The following TMEM130 variants were observed in gnomAD, a reference collection of about 807,000 sequenced individuals.
TMEM130 encodes transmembrane protein 130.
A neutral mutation model predicts 42.9 loss-of-function variants in TMEM130; 37 were observed. The observed-to-expected ratio is 0.86, with a 90% CI of 0.66 to 1.13. The LOEUF (loss-of-function observed/expected upper bound fraction) is 1.13, where lower values mean the gene tolerates loss of function less well. Ranked by LOEUF, TMEM130 falls within the 50% of genes most tolerant of loss-of-function variation. TMEM130 has a pLI of 0.00. For synonymous variants in TMEM130, 259 were observed against 237.7 expected, an observed-to-expected ratio of 1.09 and a Z score of -0.82; for missense variants, 545 against 562.6, an observed-to-expected ratio of 0.97 and a Z score of 0.32.
chr7:98,850,273 A>ATATATATATATATATTTTTTTTTTTTT, intron 6 of TMEM130, among the ~76,000 whole-genome samples: 2 of 35,466 alleles, frequency 5.6e-5, no homozygotes, highest in East Asian at 7.7e-4. Flanking sequence ...ATATATATAT[A>ATATATATATATATATTTTTTTTTTTTT]TTTTTTTTTT....
At chr7:98,856,974 G>A (rs1282710008) in intron 3 of TMEM130, among the ~76,000 whole-genome samples, 3 of 151,548 alleles carry the variant, frequency 2.0e-5, no homozygotes, top group Non-Finnish European at 2.9e-5. Flanking sequence ...TGGCTGGAGT[G>A]CTGTGGTGCA....
Position 98,869,828 on chromosome 7 carries a change from T to C in TMEM130, c.34A>G (p.Ile12Val). 6.9e-7 allele frequency: 1 copy of C among 1,448,318 alleles called. No homozygotes were observed. Among genetic ancestry groups the C allele is most frequent in the South Asian group, 1.4e-5 (1 of 72,804 alleles). 89.7% of individuals were successfully genotyped at this position (1,448,318 alleles called of 1,614,324 possible). ...GGCAGGAGGCAGGCAAGCCAGAGGATGCGGCCGAGGCGCGACCACACTGCC... is the reference window on the plus strand; with the variant it reads ...GGCAGGAGGCAGGCAAGCCAGAGGACGCGGCCGAGGCGCGACCACACTGCC... ...AQAVWSRLGR[I>V]LWLACLLPWA... is the part of the protein sequence containing the mutation. The change falls in exon 1 of 8, where the codon ATC becomes GTC. Residue 12 changes from isoleucine (I) to valine (V), a missense_variant. Coordinates refer to ENST00000339375, the MANE Select transcript of TMEM130 (RefSeq NM_152913.3). The surrounding 1 kb of genome is among the most constrained non-coding windows in gnomAD (Gnocchi z 4.7).
chr7:98,862,465 G>GC (rs1562911012), intron 2 of TMEM130, among the ~76,000 whole-genome samples: 11 of 148,480 alleles, frequency 7.4e-5, no homozygotes, highest in Non-Finnish European at 1.2e-4. Context: ...GTGAATGACT[G>GC]GCCCCAAGAC....
At position 98,864,496 on chromosome 7, in the gene TMEM130, C is replaced by T. The variant is rs185096209; in HGVS notation, c.86-1096G>A. Among the ~76,000 whole-genome samples, 85 of 149,550 alleles carry T rather than the reference C, an allele frequency of 5.7e-4. 1 individual carries two copies. Among genetic ancestry groups the T allele is most frequent in the Non-Finnish European group, 1.9e-4 (13 of 67,634 alleles). The stretch of plus-strand genomic sequence containing the variant: ...CCTCCCAAAGTGCTGGGATTACAGG[C>T]ATGAGCCAGCGTCCTCAACCACATT... On this transcript the variant is annotated intron_variant, in intron 1 of 7. Transcript: ENST00000339375.
intron 5 of TMEM130, among the ~76,000 whole-genome samples, chr7:98,853,855 G>A (rs1554398578): frequency 6.6e-6 from 1 of 152,178 alleles, no homozygotes; most frequent in African/African-American, 2.4e-5. Context: ...CTGCTTCCGT[G>A]TCATGCGGGG....
intron 1 of TMEM130, among the ~76,000 whole-genome samples, chr7:98,864,934 C>T (rs1008198078): frequency 2.6e-5 from 4 of 152,162 alleles, no homozygotes; most frequent in Non-Finnish European, 5.9e-5. Flanking sequence ...AAAAACACTT[C>T]CCTGTACCTC....
rs782659506 is a variant in TMEM130, at chr7:98,863,185, CG to C, written c.300del (p.Glu102AsnfsTer56). On this transcript the variant is annotated frameshift_variant, in exon 2 of 8. Transcript: ENST00000339375. LOFTEE classifies it high-confidence loss of function. Reference protein sequence around the residue: ...SSTIRVVGHVPGEFPVSVWVT... With the variant: ...SSTIRVVGHVXGEFPVSVWVT... ...ACCCAGACAGAGACCGGGAATTCCC[CG>C]GGCACGTGGCCGACCACACGGATGG... 9 of 1,613,970 alleles carry C rather than the reference CG, an allele frequency of 5.6e-6. No homozygotes were observed. Among genetic ancestry groups the C allele is most frequent in the Non-Finnish European group, 7.6e-6 (9 of 1,180,042 alleles).
At chr7:98,867,892 G>T (rs1554400833) in intron 1 of TMEM130, among the ~76,000 whole-genome samples, 1 of 152,184 alleles carries the variant, frequency 6.6e-6, no homozygotes, top group African/African-American at 2.4e-5. Flanking sequence ...TGCCAAATGT[G>T]GCTGAAGGAA....
At chr7:98,864,858 C>A (rs1209725270) in intron 1 of TMEM130, among the ~76,000 whole-genome samples, 1 of 152,170 alleles carries the variant, frequency 6.6e-6, no homozygotes, top group Non-Finnish European at 1.5e-5. Flanking sequence ...CGACATCGAG[C>A]CACTGCATTC....
chr7:98,852,219 C>A (rs7785963), intron 5 of TMEM130, among the ~76,000 whole-genome samples: 125,975 of 151,960 alleles, frequency 0.83, 52,457 homozygotes, highest in East Asian at 0.87. Flanking sequence ...TGACTCACTG[C>A]AACCTTCACC....
intron 1 of TMEM130, chr7:98,866,374 G>GA (rs1554400632): frequency 1.3e-5 from 2 of 152,184 alleles, no homozygotes; most frequent in African/African-American, 4.8e-5. Context: ...CAACAGGGTG[G>GA]AAAACCCCTC....
intron 1 of TMEM130, among the ~76,000 whole-genome samples, 160 bp from the exon 2 acceptor site, chr7:98,863,560 A>G (rs1486874863): frequency 6.6e-6 from 1 of 151,922 alleles, no homozygotes; most frequent in African/African-American, 2.4e-5. Flanking sequence ...CCAATTCGAC[A>G]TCAAACCTGG....
At chr7:98,849,103 G>A (rs1794431368) in intron 6 of TMEM130, among the ~76,000 whole-genome samples, 1 of 152,164 alleles carries the variant, frequency 6.6e-6, no homozygotes, top group South Asian at 2.1e-4. Flanking sequence ...CTTTTGGGAA[G>A]GGCAGCCATG....
chr7:98,868,046 T>A (rs1371988193), intron 1 of TMEM130, among the ~76,000 whole-genome samples: 3 of 152,120 alleles, frequency 2.0e-5, no homozygotes, highest in Admixed American at 6.6e-5. Context: ...CTGGCCAACA[T>A]GGCGAAGCCC....
chr7:98,856,071 T>G lies in TMEM130; in HGVS notation c.664A>C (p.Thr222Pro), dbSNP rs1554398959. The G allele has an allele frequency of 6.2e-7, 1 of 1,613,878 alleles. No homozygotes were observed. The highest frequency in any genetic ancestry group is 1.7e-5 in the Admixed American group (1 of 60,022). The change falls in exon 4 of 8, where the codon ACG (threonine) becomes CCG (proline). Residue 222 changes from threonine (T) to proline (P), a missense_variant. Physicochemically the swap from Thr to Pro is conservative, Grantham distance 38. Coordinates refer to ENST00000339375, the MANE Select transcript of TMEM130 (RefSeq NM_152913.3). ...AEWEEVEPDA[T>P]RAVKQKTGDF... ...CCGGTCTTCTGCTTCACAGCCCTCG[T>G]GGCATCCGGCTCCACCTCTTCCCAC...
intron 4 of TMEM130, 40 bp from the exon 5 acceptor site, chr7:98,855,364 G>C (rs782337863): frequency 1.3e-6 from 2 of 1,578,534 alleles, no homozygotes; most frequent in Non-Finnish European, 1.7e-6. Context: ...TGGTGGCTAA[G>C]GATTGCTGTC....
intron 6 of TMEM130, among the ~76,000 whole-genome samples, chr7:98,850,267 A>ATTTTTTTTTTTT (rs1161479294): frequency 7.6e-4 from 22 of 28,792 alleles, no homozygotes; most frequent in South Asian, 2.1e-3. Flanking sequence ...ATATATATAT[A>ATTTTTTTTTTTT]TATATATTTT....
In TMEM130 at chr7:98,847,796, A is replaced by C. The variant is rs1794393471; in HGVS notation, c.*260T>G. On this transcript the variant is annotated 3_prime_UTR_variant, in exon 8 of 8. Coordinates refer to ENST00000339375, the MANE Select transcript of TMEM130 (RefSeq NM_152913.3). Reference sequence around the variant, plus strand: ...TCAAAGTCCTGCACGAAGCCTCTTCAAAGGTAGGGGGTCAAGGGGGTGGTA... The same window carrying C: ...TCAAAGTCCTGCACGAAGCCTCTTCCAAGGTAGGGGGTCAAGGGGGTGGTA... 3 of 344,878 alleles carry C rather than the reference A, an allele frequency of 8.7e-6. No individual in the cohort carries two copies. The highest frequency in any genetic ancestry group is 1.6e-5 in the Non-Finnish European group (3 of 191,176). 21.4% of individuals were successfully genotyped at this position (344,878 alleles called of 1,614,324 possible).
chr7:98,855,219 T>C (rs1554398767), intron 5 of TMEM130, 21 bp downstream of exon 5: 3 of 1,608,922 alleles, frequency 1.9e-6, no homozygotes, highest in East Asian at 2.2e-5. Flanking sequence ...GCACCCCCAG[T>C]GCGCTCTGGA....
Sources: allele counts gnomAD v4.1 joint callset (sites outside exome capture counted in the v4.1 genomes callset), GRCh38; gene constraint gnomAD v4.1.1; non-coding constraint Gnocchi (gnomAD v3.1); transcripts MANE v1.5; gene names NCBI Gene and HGNC (gene_info 2026-07-23, HGNC 2026-07-21).